MFF: variants seen among roughly 807,000 people sequenced by gnomAD.
MFF encodes chromosome 2 open reading frame 33.
A neutral mutation model predicts 36.9 loss-of-function variants in MFF; 12 were observed. That is an observed-to-expected ratio of 0.33 (90% CI 0.21 to 0.53). The LOEUF (loss-of-function observed/expected upper bound fraction) is 0.53. MFF is among the 20% of genes least tolerant of loss of function. The probability of loss-of-function intolerance (pLI) is 0.95; values close to 1 mark genes in which losing one functional copy is unlikely to be tolerated. For synonymous variants in MFF, 99 were observed against 126.2 expected, an observed-to-expected ratio of 0.78 and a Z score of 1.44; for missense variants, 348 against 366.6, an observed-to-expected ratio of 0.95 and a Z score of 0.42.
rs1268919549 is a variant in MFF, at chr2:227,331,966, T to C, written c.182-453T>C. Among the ~76,000 whole-genome samples the C allele has an allele frequency of 2.9e-5, 3 of 102,406 alleles. No homozygotes were observed. In the East Asian group the frequency reaches 9.3e-4, roughly 32 times the overall value. The allele number at this position is 102,406 out of a possible 152,430, so 67.2% of individuals were successfully genotyped here. A position where few individuals can be genotyped will look rare whatever the true frequency, so the allele number is the denominator to read the frequency against. ...TGTCAATACGCTGGAAGCATTTTTT[T>C]TTTTTTTTTTTTTTTTTTTTTTTGA... On this transcript the variant is annotated intron_variant, in intron 3 of 8. Transcript: ENST00000304593.
chr2:227,347,780 A>G (rs2075789356), intron 6 of MFF, among the ~76,000 whole-genome samples: 1 of 152,240 alleles, frequency 6.6e-6, no homozygotes, highest in Admixed American at 6.5e-5. Context: ...GATTGGATTA[A>G]TAAAGCAAAT....
chr2:227,338,385 AAAAG>A (rs2075165806), intron 4 of MFF, among the ~76,000 whole-genome samples: 1 of 150,910 alleles, frequency 6.6e-6, no homozygotes, highest in Admixed American at 6.6e-5. Flanking sequence ...AAAAAAAAAG[AAAAG>A]AAAAACATCC....
chr2:227,357,245 A>G lies in MFF; in HGVS notation c.*128A>G. 4 of 1,067,232 alleles carry G rather than the reference A, an allele frequency of 3.7e-6. No homozygotes were observed. The highest frequency in any genetic ancestry group is 3.1e-4 in the Middle Eastern group (1 of 3,204). The allele number at this position is 1,067,232 out of a possible 1,614,324, so 66.1% of individuals were successfully genotyped here. On this transcript the variant is annotated 3_prime_UTR_variant, in exon 9 of 9. Coordinates refer to ENST00000304593, the MANE Select transcript of MFF (RefSeq NM_001277062.2). ...CACACCCTGAAAATGTATTTCTTCC[A>G]GAAAGTCTGGAGGAAGGACCTATAT...
intron 3 of MFF, among the ~76,000 whole-genome samples, chr2:227,331,761 C>T (rs2074584972): frequency 6.6e-6 from 1 of 152,078 alleles, no homozygotes; most frequent in Non-Finnish European, 1.5e-5. Context: ...TGAACATCTG[C>T]TCATGTGCTT....
chr2:227,337,891 T>G (rs1353865929), intron 4 of MFF, among the ~76,000 whole-genome samples: 3 of 141,340 alleles, frequency 2.1e-5, no homozygotes, highest in Admixed American at 2.1e-4. Flanking sequence ...TACCAAAAAA[T>G]ACAAAAATTA....
chr2:227,348,040 A>G (rs1467612373), intron 6 of MFF, among the ~76,000 whole-genome samples: 1 of 152,166 alleles, frequency 6.6e-6, no homozygotes, highest in Admixed American at 6.5e-5. Context: ...CTTTATTACT[A>G]CATAATGTTT....
At chr2:227,330,523 G>A (rs2074489936) in intron 2 of MFF, 103 bp from the exon 3 acceptor site, 1 of 768,064 alleles carries the variant, frequency 1.3e-6, no homozygotes, top group South Asian at 1.9e-5. Context: ...CAAATGAGAA[G>A]TTTCCTTTCG....
At chr2:227,337,716 G>A (rs925585402) in intron 4 of MFF, among the ~76,000 whole-genome samples, 1 of 152,152 alleles carries the variant, frequency 6.6e-6, no homozygotes, top group Admixed American at 6.5e-5. Context: ...AAAACTAAGT[G>A]CATAACCACT....
chr2:227,339,069 G>A (rs2075235207), intron 4 of MFF, among the ~76,000 whole-genome samples: 1 of 151,926 alleles, frequency 6.6e-6, no homozygotes, highest in East Asian at 2.0e-4. Flanking sequence ...AGGTGCGGTG[G>A]TGTGTGCCTA....
chr2:227,329,392 A>T (rs934226869), intron 2 of MFF: 5 of 241,910 alleles, frequency 2.1e-5, no homozygotes, highest in African/African-American at 1.2e-4. Flanking sequence ...TGTTTGCAAA[A>T]TCATAAGACA....
chr2:227,332,905 A>G (rs918925632), intron 4 of MFF, among the ~76,000 whole-genome samples: 11 of 152,246 alleles, frequency 7.2e-5, no homozygotes, highest in Admixed American at 6.5e-4. Flanking sequence ...AATAAGAAGT[A>G]AATGTATCAC....
At chr2:227,337,448 G>A (rs1397030444) in intron 4 of MFF, among the ~76,000 whole-genome samples, 3 of 152,216 alleles carry the variant, frequency 2.0e-5, no homozygotes, top group Non-Finnish European at 4.4e-5. Context: ...GCTCTGAGTA[G>A]ATTCCTGAAG....
intron 3 of MFF, among the ~76,000 whole-genome samples, chr2:227,331,601 T>C (rs1278123614): frequency 6.6e-6 from 1 of 152,272 alleles, no homozygotes; most frequent in Non-Finnish European, 1.5e-5. Context: ...TCTTGTACTA[T>C]GTTGCATTCC....
At chr2:227,347,414 T>A in intron 6 of MFF, 30 bp downstream of exon 6, 1 of 1,608,582 alleles carries the variant, frequency 6.2e-7, no homozygotes, top group Non-Finnish European at 8.5e-7. Flanking sequence ...TCTTGACAGC[T>A]TTATTGCATA....
intron 3 of MFF, among the ~76,000 whole-genome samples, chr2:227,332,178 T>C (rs1472962501): frequency 6.6e-6 from 1 of 151,300 alleles, no homozygotes; most frequent in Non-Finnish European, 1.5e-5. Flanking sequence ...TTCACCGTTT[T>C]AGCCGGGATG....
chr2:227,357,775 T>TA lies in MFF; in HGVS notation c.*664dup, dbSNP rs1203957119. ...TTACTCAGTTCATGCGTGAACAATT[T>TA]AAAAAACGACAGAATAAGGTACAAA... On this transcript the variant is annotated 3_prime_UTR_variant, in exon 9 of 9. Transcript: ENST00000304593. The TA allele has an allele frequency of 2.0e-5, 3 of 152,188 alleles. No homozygotes were observed. The highest frequency in any genetic ancestry group is 2.9e-5 in the Non-Finnish European group (2 of 68,044). The allele number at this position is 152,188 out of a possible 1,614,324, so 9.4% of individuals were successfully genotyped here. A position where few individuals can be genotyped will look rare whatever the true frequency, so the allele number is the denominator to read the frequency against.
chr2:227,356,615 G>GGGAAGGAGT (rs879471818), intron 8 of MFF, among the ~76,000 whole-genome samples: 1 of 152,092 alleles, frequency 6.6e-6, no homozygotes, highest in Non-Finnish European at 1.5e-5. Flanking sequence ...GCATAGAAAG[G>GGGAAGGAGT]GGAAGGAGTC....
At chr2:227,352,384 ATAT>A (rs2076042539) in intron 6 of MFF, 127 bp from the exon 7 acceptor site, 2 of 679,016 alleles carry the variant, frequency 2.9e-6, no homozygotes, top group Non-Finnish European at 5.2e-6. Context: ...TAGTTGAGAG[ATAT>A]TATATTGTAT....
chr2:227,355,889 T>G, intron 8 of MFF, 128 bp downstream of exon 8: 1 of 599,462 alleles, frequency 1.7e-6, no homozygotes, highest in East Asian at 2.8e-5. Context: ...TCATTGATTT[T>G]CTCATTTTGA....
Sources: allele counts gnomAD v4.1 joint callset (sites outside exome capture counted in the v4.1 genomes callset), GRCh38; gene constraint gnomAD v4.1.1; transcripts MANE v1.5; gene names NCBI Gene and HGNC (gene_info 2026-07-23, HGNC 2026-07-21).